WWOX: variants seen among roughly 807,000 people sequenced by gnomAD.
The protein encoded by WWOX is WW domain-containing oxidoreductase.
WWOX carries 69 observed loss-of-function variants against 46.2 expected under a neutral mutation model. The observed-to-expected ratio is 1.49, with a 90% CI of 1.23 to 1.82. The LOEUF (loss-of-function observed/expected upper bound fraction) is 1.82. Ranked by LOEUF, WWOX falls within the 40% of genes most tolerant of loss-of-function variation. WWOX has a pLI of 0.00. For missense variants in WWOX, 919 were observed against 542.6 expected (o/e 1.69, Z -6.89); for synonymous variants, 359 against 202.6 (o/e 1.77, Z -6.56).
chr16:78,317,960 G>A (rs2080389102), intron 5 of WWOX, among the ~76,000 whole-genome samples: 1 of 152,160 alleles, frequency 6.6e-6, no homozygotes, highest in Non-Finnish European at 1.5e-5. Flanking sequence ...GGGTTTGAAA[G>A]CAAAGTGGTA....
intron 8 of WWOX, among the ~76,000 whole-genome samples, chr16:78,978,872 A>G (rs2046624541): frequency 6.6e-6 from 1 of 152,140 alleles, no homozygotes; most frequent in Non-Finnish European, 1.5e-5. Context: ...ACAATTCAAC[A>G]TGAGATTTCG....
At chr16:78,523,535 T>G in intron 8 of WWOX, among the ~76,000 whole-genome samples, 1 of 152,350 alleles carries the variant, frequency 6.6e-6, no homozygotes, top group Admixed American at 6.5e-5. Flanking sequence ...TTGTACTCTC[T>G]ATCTGGGTGA....
chr16:78,361,599 C>G (rs2081411116), intron 5 of WWOX, among the ~76,000 whole-genome samples: 1 of 152,092 alleles, frequency 6.6e-6, no homozygotes, highest in South Asian at 2.1e-4. Context: ...TCCCTTCTCC[C>G]CCATTTCTTT....
intron 8 of WWOX, among the ~76,000 whole-genome samples, chr16:79,159,526 C>G (rs1282242765): frequency 6.6e-6 from 1 of 152,088 alleles, no homozygotes; most frequent in Non-Finnish European, 1.5e-5. Flanking sequence ...GACTTGTACA[C>G]AAGACCAGGG....
chr16:78,357,958 T>C (rs1415854334), intron 5 of WWOX, among the ~76,000 whole-genome samples: 1 of 152,180 alleles, frequency 6.6e-6, no homozygotes, highest in African/African-American at 2.4e-5. Context: ...TTATTCCTCT[T>C]TGTCACTGAT....
At chr16:78,549,220 T>C (rs2044119350) in intron 8 of WWOX, among the ~76,000 whole-genome samples, 1 of 152,180 alleles carries the variant, frequency 6.6e-6, no homozygotes, top group African/African-American at 2.4e-5. Flanking sequence ...AGAATTAAAA[T>C]CTGCATGTTA....
In WWOX at chr16:78,575,086, T is replaced by C. The variant is rs1273405830; in HGVS notation, c.1056+142334T>C. On this transcript the variant is annotated intron_variant, in intron 8 of 8. Transcript: ENST00000566780. ...ATATATATATATATATATATATATA[T>C]ATATATATATTTAAAGCTGTCATGG... is the stretch of plus-strand genomic sequence containing the variant. Among the ~76,000 whole-genome samples, 59 of 46,512 alleles carry C rather than the reference T, an allele frequency of 1.3e-3. 2 individuals carry two copies. The highest frequency in any genetic ancestry group is 2.0e-3 in the Non-Finnish European group (47 of 23,210). 30.5% of individuals were successfully genotyped at this position (46,512 alleles called of 152,430 possible). A position where few individuals can be genotyped will look rare whatever the true frequency, so the allele number is the denominator to read the frequency against.
At chr16:78,718,581 C>T (rs913892270) in intron 8 of WWOX, among the ~76,000 whole-genome samples, 2 of 151,928 alleles carry the variant, frequency 1.3e-5, no homozygotes, top group Admixed American at 1.3e-4. Context: ...GTGGTCCATG[C>T]CTCTAATCCT....
At chr16:78,674,384 A>G (rs2047541094) in intron 8 of WWOX, among the ~76,000 whole-genome samples, 1 of 151,106 alleles carries the variant, frequency 6.6e-6, no homozygotes, top group Non-Finnish European at 1.5e-5. Flanking sequence ...TTCCAAGTTC[A>G]AGCAATTGTC....
intron 8 of WWOX, among the ~76,000 whole-genome samples, chr16:78,639,585 G>GAC (rs1212370565): frequency 1.2e-4 from 3 of 24,684 alleles, no homozygotes; most frequent in African/African-American, 3.5e-4. Flanking sequence ...TTTTTTTCCA[G>GAC]ACAGTTTCAC....
intron 5 of WWOX, among the ~76,000 whole-genome samples, chr16:78,300,491 C>G (rs1028654205): frequency 2.0e-5 from 3 of 151,068 alleles, no homozygotes; most frequent in African/African-American, 7.3e-5. Flanking sequence ...TGTCCTCCCT[C>G]CCTCCCTCCT....
In WWOX at chr16:78,934,606, C is replaced by G. The variant is rs72806769; in HGVS notation, c.1057-277002C>G. Among the ~76,000 whole-genome samples the G allele has an allele frequency of 5.7e-3, 865 of 151,766 alleles. 4 individuals are homozygous for G. The highest frequency in any genetic ancestry group is 0.021 in the Middle Eastern group (6 of 292). On this transcript the variant is annotated intron_variant, in intron 8 of 8. Coordinates refer to ENST00000566780, the MANE Select transcript of WWOX (RefSeq NM_016373.4). ...CTAGCATCTGTTTTTACCCTACCCT[C>G]TTCCCCTATGACCCACCACCACGCA...
chr16:78,356,645 G>A (rs1214869153), intron 5 of WWOX, among the ~76,000 whole-genome samples: 1 of 152,330 alleles, frequency 6.6e-6, no homozygotes, highest in East Asian at 1.9e-4. Context: ...CACTTTGGGA[G>A]GCCAAGGCGA....
intron 5 of WWOX, among the ~76,000 whole-genome samples, chr16:78,283,150 C>T (rs187673821): frequency 1.2e-3 from 182 of 152,214 alleles, no homozygotes; most frequent in African/African-American, 4.3e-3. Context: ...CTTCTGGGTT[C>T]ACCAGCCCGG....
chr16:78,707,171 T>C (rs1317877935), intron 8 of WWOX, among the ~76,000 whole-genome samples: 1 of 152,202 alleles, frequency 6.6e-6, no homozygotes, highest in African/African-American at 2.4e-5. Context: ...AGGGTTTATT[T>C]TTATTTTTCT....
At chr16:78,487,921 G>A (rs985794932) in intron 8 of WWOX, among the ~76,000 whole-genome samples, 3 of 152,186 alleles carry the variant, frequency 2.0e-5, no homozygotes, top group African/African-American at 7.2e-5. Context: ...AAGCTGGACT[G>A]CAGAAAGAAA....
chr16:79,123,374 C>G (rs1399702460), intron 8 of WWOX, among the ~76,000 whole-genome samples: 2 of 152,158 alleles, frequency 1.3e-5, no homozygotes, highest in African/African-American at 2.4e-5. Context: ...AAAAATAATG[C>G]AGATACATTC....
intron 8 of WWOX, among the ~76,000 whole-genome samples, chr16:79,111,429 C>G (rs977689807): frequency 5.3e-5 from 8 of 152,164 alleles, no homozygotes; most frequent in African/African-American, 1.7e-4. Context: ...GGTTTGGAGA[C>G]ACTGTTTTCT....
rs1013002763 is a variant in WWOX at position 78,986,096 on chromosome 16, C to T, written c.1057-225512C>T. 2.0e-5 allele frequency among the ~76,000 whole-genome samples: 3 copies of T among 152,212 alleles called. No individual in the cohort carries two copies. The East Asian group carries it at 5.8e-4, about 29-fold the overall frequency. Reference sequence around the variant, plus strand: ...GAGCGTGTGGGAATGTCAAGATGAACCGGGGCTCCGGGAGACATTTATGGA... The same window carrying T: ...GAGCGTGTGGGAATGTCAAGATGAATCGGGGCTCCGGGAGACATTTATGGA... On this transcript the variant is annotated intron_variant, in intron 8 of 8. Transcript: ENST00000566780.
Sources: allele counts gnomAD v4.1 joint callset (sites outside exome capture counted in the v4.1 genomes callset), GRCh38; gene constraint gnomAD v4.1.1; transcripts MANE v1.5; gene names NCBI Gene and HGNC (gene_info 2026-07-23, HGNC 2026-07-21).